Variants in BANF2 observed in about 807,000 individuals in gnomAD.
BANF2 encodes the protein BANF family member 2, also known as barrier-to-autointegration factor-like protein.
BANF2 carries 4 observed loss-of-function variants against 8.0 expected under a neutral mutation model. The observed-to-expected ratio is 0.50, with a 90% CI of 0.25 to 1.14. The LOEUF (loss-of-function observed/expected upper bound fraction) is 1.14, where lower values mean the gene tolerates loss of function less well. BANF2 is among the 50% of genes most tolerant of loss of function. The probability of loss-of-function intolerance (pLI) is 0.16; values close to 1 mark genes in which losing one functional copy is unlikely to be tolerated. For missense variants in BANF2, 96 were observed against 107.5 expected (o/e 0.89, Z 0.47); for synonymous variants, 50 against 40.6 (o/e 1.23, Z -0.88).
chr20:17,721,579 A>G (rs1307204623), intron 1 of BANF2, among the ~76,000 whole-genome samples: 1 of 151,850 alleles, frequency 6.6e-6, no homozygotes, highest in African/African-American at 2.4e-5. Context: ...TTTAGTAGAG[A>G]CGGGGTTTCA....
Position 17,725,091 on chromosome 20 carries a change from C to T in BANF2, c.66C>T (p.Cys22=). The T allele has an allele frequency of 1.2e-6, 2 of 1,611,516 alleles. No individual in the cohort carries two copies. The highest frequency in any genetic ancestry group is 2.2e-5 in the South Asian group (2 of 91,034). ...AACCCATTGGAGAAAAGGATGTCTG[C>T]TGGGTGGATGGCATCAGCCATGAGC... ...LSEPIGEKDV[C]WVDGISHELA... The change falls in exon 3 of 4, where the codon TGC becomes TGT. Residue 22 remains cysteine (C), a synonymous_variant. Transcript: ENST00000246090.
chr20:17,717,557 T>C (rs1195061824), intron 1 of BANF2, among the ~76,000 whole-genome samples: 2 of 152,160 alleles, frequency 1.3e-5, no homozygotes, highest in Admixed American at 1.3e-4. Flanking sequence ...TTTCCCTATA[T>C]GGTCATTAGG....
At chr20:17,723,605 T>G (rs1305800013) in intron 2 of BANF2, among the ~76,000 whole-genome samples, 3 of 152,220 alleles carry the variant, frequency 2.0e-5, no homozygotes, top group Non-Finnish European at 4.4e-5. Context: ...CAGAATTTTG[T>G]ACCAGGAAGG....
chr20:17,735,730 C>T lies in BANF2; in HGVS notation c.192C>T (p.Leu64=), dbSNP rs1367361726. The T allele has an allele frequency of 6.2e-7, 1 of 1,613,774 alleles. No homozygotes were observed. The highest frequency in any genetic ancestry group is 8.5e-7 in the Non-Finnish European group (1 of 1,179,840). Residue 64 remains leucine, a synonymous_variant, in exon 4 of 4, where the codon CTC becomes CTT. Coordinates refer to ENST00000246090, the MANE Select transcript of BANF2 (RefSeq NM_178477.5). ...ATGAAGCCGAGTTTCAGAGGTGGCT[C>T]ATTTGCTGTTTTGGTGCCACTGAGT... ...HKNEAEFQRW[L]ICCFGATECE...
At chr20:17,715,950 C>T (rs918715484) in intron 1 of BANF2, among the ~76,000 whole-genome samples, 5 of 152,230 alleles carry the variant, frequency 3.3e-5, no homozygotes, top group South Asian at 2.1e-4. Flanking sequence ...CTCAGAGCTG[C>T]TTTCCTCCAC....
At chr20:17,727,463 G>C (rs2037824598) in intron 3 of BANF2, among the ~76,000 whole-genome samples, 1 of 152,226 alleles carries the variant, frequency 6.6e-6, no homozygotes, top group African/African-American at 2.4e-5. Flanking sequence ...TGCACAAGAA[G>C]ATCTGTGGCC....
At chr20:17,721,354 C>T (rs924809160) in intron 1 of BANF2, among the ~76,000 whole-genome samples, 1 of 151,154 alleles carries the variant, frequency 6.6e-6, no homozygotes, top group African/African-American at 2.4e-5. Flanking sequence ...AAAGACCTCT[C>T]CTTCATTTGG....
intron 1 of BANF2, among the ~76,000 whole-genome samples, chr20:17,694,004 A>G (rs1241938033): frequency 2.0e-5 from 3 of 152,300 alleles, no homozygotes; most frequent in Admixed American, 2.0e-4. Context: ...AACAAGCAGC[A>G]TTTGCCTCAC....
chr20:17,731,366 C>G (rs2037891283), intron 3 of BANF2: 1 of 152,154 alleles, frequency 6.6e-6, no homozygotes, highest in Admixed American at 6.6e-5. Flanking sequence ...TGTGTCACTG[C>G]ACCATGGAGT....
chr20:17,712,959 A>G (rs2037596203), intron 1 of BANF2, among the ~76,000 whole-genome samples: 1 of 152,150 alleles, frequency 6.6e-6, no homozygotes, highest in African/African-American at 2.4e-5. Context: ...GAAAGAGGAA[A>G]AATCCTGGCC....
upstream of BANF2, among the ~76,000 whole-genome samples, chr20:17,699,395 A>G (rs16999579): frequency 0.017 from 2,557 of 152,332 alleles, 71 homozygotes; most frequent in African/African-American, 0.059. Context: ...AGGATAACCT[A>G]AAAGACACCT....
In BANF2 at chr20:17,693,707, G is replaced by T; in HGVS notation, c.18+1G>T. 3.9e-6 allele frequency: 6 copies of T among 1,551,618 alleles called. No homozygotes were observed. The highest frequency in any genetic ancestry group is 4.4e-6 in the Non-Finnish European group (5 of 1,146,974). On this transcript the variant is annotated splice_donor_variant, in intron 1 of 2. Coordinates refer to the BANF2 transcript ENST00000545418. LOFTEE classifies it high-confidence loss of function. ...GCGCTGAATGCTGCGAGGAACAAAG[G>T]TAAGGCAGATTGGTCTGACTTCCTT...
chr20:17,706,079 C>T (rs761999843), intron 1 of BANF2, among the ~76,000 whole-genome samples: 2 of 152,158 alleles, frequency 1.3e-5, no homozygotes, highest in Non-Finnish European at 2.9e-5. Flanking sequence ...CGCAGCCACC[C>T]AACTGGCAAG....
intron 1 of BANF2, among the ~76,000 whole-genome samples, chr20:17,710,335 A>G (rs1247525856): frequency 6.6e-6 from 1 of 152,198 alleles, no homozygotes; most frequent in Non-Finnish European, 1.5e-5. Context: ...CCCAGACCTC[A>G]GCCTGCAGCT....
At chr20:17,719,027 G>A (rs890320529) in intron 1 of BANF2, among the ~76,000 whole-genome samples, 3 of 152,198 alleles carry the variant, frequency 2.0e-5, no homozygotes, top group East Asian at 1.9e-4. Context: ...CAGCTCGCCC[G>A]GGGTTACAAG....
At chr20:17,718,889 A>G (rs964105855) in intron 1 of BANF2, among the ~76,000 whole-genome samples, 1 of 152,208 alleles carries the variant, frequency 6.6e-6, no homozygotes, top group African/African-American at 2.4e-5. Flanking sequence ...TTCAAAATAC[A>G]GTAGGGTCAT....
At chr20:17,725,586 A>G (rs564323509) in intron 3 of BANF2, among the ~76,000 whole-genome samples, 2 of 152,344 alleles carry the variant, frequency 1.3e-5, no homozygotes, top group South Asian at 4.1e-4. Flanking sequence ...TGGGGTCTAC[A>G]CTAGAGTGAG....
intron 1 of BANF2, among the ~76,000 whole-genome samples, chr20:17,716,212 C>T (rs543362732): frequency 7.5e-4 from 115 of 152,358 alleles, no homozygotes; most frequent in Non-Finnish European, 8.8e-4. Flanking sequence ...AAAATGGAGG[C>T]ATTTCTCCCT....
intron 1 of BANF2, among the ~76,000 whole-genome samples, chr20:17,720,582 T>TA (rs2122620923): frequency 6.6e-6 from 1 of 152,346 alleles, no homozygotes; most frequent in South Asian, 2.1e-4. Context: ...AACTTCCACT[T>TA]ATATGAGGTA....
Sources: gnomAD v4.1 joint callset for allele counts (sites outside exome capture counted in the v4.1 genomes callset) on GRCh38, gnomAD v4.1.1 for gene constraint, MANE v1.5 for transcripts, NCBI Gene and HGNC (gene_info 2026-07-23, HGNC 2026-07-21) for gene names.